The following GRHL1 variants were observed in gnomAD, a reference collection of about 807,000 sequenced individuals.
The protein encoded by GRHL1 is grainyhead-like protein 1 homolog.
GRHL1 carries 38 observed loss-of-function variants against 75.7 expected under a neutral mutation model. That is an observed-to-expected ratio of 0.50 (90% confidence interval 0.39 to 0.66). The LOEUF (loss-of-function observed/expected upper bound fraction) is 0.66, where lower values mean the gene tolerates loss of function less well. Ranked by LOEUF, GRHL1 falls within the 30% of genes least tolerant of loss-of-function variation. GRHL1 has a pLI of 0.00. For synonymous variants in GRHL1, 266 were observed against 279.4 expected, an observed-to-expected ratio of 0.95 and a Z score of 0.48; for missense variants, 589 against 767.5, an observed-to-expected ratio of 0.77 and a Z score of 2.75.
Position 9,998,105 on chromosome 2 carries a change from C to T in GRHL1, c.1678-860C>T, listed in dbSNP as rs532854938. ...ACGTTTGCCACCTGAGGCTCTGTTT[C>T]TCAGTGCCACCTTGAGCTTTGCTCT... is the stretch of plus-strand genomic sequence containing the variant. On this transcript the variant is annotated intron_variant, in intron 14 of 15. Transcript: ENST00000324907. Among the ~76,000 whole-genome samples the T allele has an allele frequency of 2.6e-5, 4 of 152,256 alleles. No homozygotes were observed. The South Asian group carries it at 8.3e-4, about 32-fold the overall frequency.
At chr2:10,000,570 T>C (rs1477663420) in intron 15 of GRHL1, 23 bp from the exon 16 acceptor site, 1 of 1,427,968 alleles carries the variant, frequency 7.0e-7, no homozygotes, top group East Asian at 2.3e-5. Flanking sequence ...TGAAGTTGGT[T>C]GGTCTTGTCC....
rs35950483 is a variant in GRHL1, at chr2:9,992,282, T to C, written c.1461+136T>C. 38,114 of 721,852 alleles carry C rather than the reference T, an allele frequency of 0.053. 1,358 individuals are homozygous for C. The highest frequency in any genetic ancestry group is 0.065 in the Non-Finnish European group (28,635 of 440,946). 44.7% of individuals were successfully genotyped at this position (721,852 alleles called of 1,614,324 possible). A position where few individuals can be genotyped will look rare whatever the true frequency, so the allele number is the denominator to read the frequency against. ...AGTTAGTCAGCTCTTTGGAATATTC[T>C]GCTGGGGTGACATGATGCCCGTGCA... On this transcript the variant is annotated intron_variant, in intron 11 of 15. Coordinates refer to ENST00000324907, the MANE Select transcript of GRHL1 (RefSeq NM_198182.3). This position sits in a 1 kb window ranked among gnomAD's most constrained non-coding sequence, Gnocchi z 4.6.
chr2:9,996,450 T>A, intron 14 of GRHL1, 49 bp downstream of exon 14: 1 of 1,170,284 alleles, frequency 8.5e-7, no homozygotes, highest in Non-Finnish European at 1.3e-6. Flanking sequence ...AAAGGACAAG[T>A]ACATAGGATT....
intron 12 of GRHL1, among the ~76,000 whole-genome samples, chr2:9,994,071 C>CG (rs1431079031): frequency 2.2e-5 from 2 of 92,110 alleles, no homozygotes; most frequent in Non-Finnish European, 4.5e-5. Flanking sequence ...GCTGACGCTA[C>CG]CCCTCTTTGG....
intron 8 of GRHL1, among the ~76,000 whole-genome samples, chr2:9,978,786 T>G (rs952323521): frequency 6.6e-6 from 1 of 151,582 alleles, no homozygotes; most frequent in Non-Finnish European, 1.5e-5. Context: ...AGGTCAGGAG[T>G]TTGAGACCAG....
chr2:9,983,068 G>A (rs1301322052), intron 8 of GRHL1, among the ~76,000 whole-genome samples: 1 of 152,136 alleles, frequency 6.6e-6, no homozygotes, highest in Non-Finnish European at 1.5e-5. Flanking sequence ...TGTAGACTTT[G>A]GTTGAGGGTT....
In GRHL1 at chr2:10,001,355, A is replaced by G. The variant is rs934077027; in HGVS notation, c.*648A>G. Reference sequence around the variant, plus strand: ...ATGAAATCAGTTAAGATAAAGCTGCATTGTATATAAGTGCAATATATTTTT... The same window carrying G: ...ATGAAATCAGTTAAGATAAAGCTGCGTTGTATATAAGTGCAATATATTTTT... On this transcript the variant is annotated 3_prime_UTR_variant, in exon 16 of 16. Transcript: ENST00000324907. The G allele has an allele frequency of 1.3e-5, 2 of 152,688 alleles. No homozygotes were observed. The highest frequency in any genetic ancestry group is 2.4e-5 in the African/African-American group (1 of 41,466). The allele number at this position is 152,688 out of a possible 1,614,324, so 9.5% of individuals were successfully genotyped here.
At chr2:9,969,358 A>G (rs1667618571) in intron 8 of GRHL1, among the ~76,000 whole-genome samples, 1 of 152,198 alleles carries the variant, frequency 6.6e-6, no homozygotes, top group South Asian at 2.1e-4. Context: ...CCAGTACTCC[A>G]TGCTATTACG....
intron 8 of GRHL1, among the ~76,000 whole-genome samples, chr2:9,980,548 G>A (rs1275365523): frequency 6.6e-6 from 1 of 152,176 alleles, no homozygotes; most frequent in East Asian, 1.9e-4. Flanking sequence ...ACCTTGGCCT[G>A]TTCAGCAGTT....
At chr2:9,952,251 G>T (rs956197314) in intron 1 of GRHL1, among the ~76,000 whole-genome samples, 1 of 152,190 alleles carries the variant, frequency 6.6e-6, no homozygotes, top group Non-Finnish European at 1.5e-5. Context: ...GGCCTCGGGA[G>T]CCTGGTGGGG....
chr2:9,976,604 G>A (rs1037419921), intron 8 of GRHL1, among the ~76,000 whole-genome samples: 1 of 152,170 alleles, frequency 6.6e-6, no homozygotes. Flanking sequence ...AGTCAGAAGC[G>A]TATCCTGCAT....
At position 10,000,839 on chromosome 2, in the gene GRHL1, G is replaced by C. The variant is rs1018333342; in HGVS notation, c.*132G>C. ...ATGTCGAGGGAATGGGTTCCTTGCA[G>C]GTTGGAGGCGGGGCTGCATCTGGCT... On this transcript the variant is annotated 3_prime_UTR_variant, in exon 16 of 16. Coordinates refer to ENST00000324907, the MANE Select transcript of GRHL1 (RefSeq NM_198182.3). The C allele has an allele frequency of 1.3e-5, 7 of 544,780 alleles. No individual in the cohort carries two copies. In the African/African-American group the frequency reaches 1.3e-4, roughly 10 times the overall value. 33.7% of individuals were successfully genotyped at this position (544,780 alleles called of 1,614,324 possible).
chr2:9,995,811 TA>T (rs1461902317), intron 12 of GRHL1, 67 bp from the exon 13 acceptor site: 8 of 873,936 alleles, frequency 9.2e-6, no homozygotes, highest in Non-Finnish European at 1.5e-5. Context: ...TGACAGGCTC[TA>T]AAACACCTTA....
At chr2:9,952,784 A>T in intron 1 of GRHL1, 2 of 267,692 alleles carry the variant, frequency 7.5e-6, no homozygotes, top group East Asian at 9.5e-5. Context: ...TTTAAGGCAG[A>T]TAGGTACCCC....
chr2:9,991,327 G>C (rs1668635174), intron 10 of GRHL1, among the ~76,000 whole-genome samples: 1 of 152,060 alleles, frequency 6.6e-6, no homozygotes, highest in African/African-American at 2.4e-5. Context: ...TCCATCTGTA[G>C]TACATGGGCT....
At chr2:9,974,374 A>G (rs528300075) in intron 8 of GRHL1, among the ~76,000 whole-genome samples, 2 of 152,190 alleles carry the variant, frequency 1.3e-5, no homozygotes, top group African/African-American at 2.4e-5. Context: ...TCGGTGACCA[A>G]CTTTCTGAAG....
intron 14 of GRHL1, among the ~76,000 whole-genome samples, chr2:9,997,247 T>C (rs1211547012): frequency 1.3e-5 from 2 of 152,118 alleles, no homozygotes; most frequent in African/African-American, 4.8e-5. Flanking sequence ...ATTTTGTAGT[T>C]AGGAAGACAC....
In GRHL1 at chr2:9,992,188, G is replaced by A. The variant is rs780895600; in HGVS notation, c.1461+42G>A. On this transcript the variant is annotated intron_variant, in intron 11 of 15. Transcript: ENST00000324907. The surrounding 1 kb of genome is among the most constrained non-coding windows in gnomAD (Gnocchi z 4.6). ...CCAGGGGAGGTTACCAGGAAGGAAG[G>A]CATGGCAAAAGGAAATTCTTTGGCA... 5.7e-6 allele frequency: 9 copies of A among 1,586,368 alleles called. No individual in the cohort carries two copies. The highest frequency in any genetic ancestry group is 1.4e-5 in the African/African-American group (1 of 73,816).
chr2:9,955,003 C>T lies in GRHL1; in HGVS notation c.109C>T (p.Leu37=). 3 of 1,613,346 alleles carry T rather than the reference C, an allele frequency of 1.9e-6. No homozygotes were observed. The highest frequency in any genetic ancestry group is 2.5e-6 in the Non-Finnish European group (3 of 1,179,328). ...TGAGGATGAGGCCTGGAAATCCTTC[C>T]TGGAAAACCCTCTCACTGCAGCGAC... ...TSEDEAWKSF[L]ENPLTAATKA... is the part of the protein sequence containing the mutation. Residue 37 remains leucine (L), a synonymous_variant, in exon 2 of 16, where the codon CTG becomes TTG. Transcript: ENST00000324907.
Sources: allele counts gnomAD v4.1 joint callset (sites outside exome capture counted in the v4.1 genomes callset), GRCh38; gene constraint gnomAD v4.1.1; non-coding constraint Gnocchi (gnomAD v3.1); transcripts MANE v1.5; gene names NCBI Gene and HGNC (gene_info 2026-07-23, HGNC 2026-07-21).